The following CLSTN1 variants were observed in gnomAD, a reference collection of about 807,000 sequenced individuals.
The protein encoded by CLSTN1 is calsyntenin 1.
CLSTN1 carries 28 observed loss-of-function variants against 108.3 expected under a neutral mutation model. That is an observed-to-expected ratio of 0.26 (90% confidence interval 0.19 to 0.35). The LOEUF (loss-of-function observed/expected upper bound fraction) is 0.35, where lower values mean the gene tolerates loss of function less well. CLSTN1 is among the 10% of genes least tolerant of loss of function. The pLI, the probability that CLSTN1 is intolerant of heterozygous loss-of-function variation, is 1.00. For synonymous variants in CLSTN1, 524 were observed against 534.9 expected, an observed-to-expected ratio of 0.98 and a Z score of 0.28; for missense variants, 1,157 against 1,302.6, an observed-to-expected ratio of 0.89 and a Z score of 1.72.
At chr1:9,777,899 C>A (rs1653034447) in intron 1 of CLSTN1, among the ~76,000 whole-genome samples, 1 of 152,142 alleles carries the variant, frequency 6.6e-6, no homozygotes, top group African/African-American at 2.4e-5. Flanking sequence ...CAGTATCTCA[C>A]TCGGGCTCTG....
chr1:9,745,012 A>G (rs1651185098), intron 7 of CLSTN1, among the ~76,000 whole-genome samples: 1 of 152,134 alleles, frequency 6.6e-6, no homozygotes, highest in Admixed American at 6.5e-5. Flanking sequence ...TCGGCCTCCA[A>G]AAGTGCTGGG....
intron 1 of CLSTN1, among the ~76,000 whole-genome samples, chr1:9,785,795 C>CTT (rs77923873): frequency 1.4e-5 from 2 of 142,228 alleles, no homozygotes; most frequent in Non-Finnish European, 3.1e-5. Flanking sequence ...ATGTGAATTT[C>CTT]TTTTTTTTTT....
chr1:9,750,715 C>CAAA (rs775430059), intron 5 of CLSTN1, among the ~76,000 whole-genome samples: 1 of 77,164 alleles, frequency 1.3e-5, no homozygotes, highest in Non-Finnish European at 2.9e-5. Flanking sequence ...TTCCCTCAAA[C>CAAA]AAAAAAAAAA....
intron 11 of CLSTN1, 41 bp from the exon 12 acceptor site, chr1:9,736,083 C>T (rs1418273020): frequency 6.2e-7 from 1 of 1,612,242 alleles, no homozygotes; most frequent in South Asian, 1.1e-5. Context: ...GGCGTGCAAC[C>T]CAGCATCGCC....
chr1:9,771,770 T>C (rs545810755), intron 2 of CLSTN1, among the ~76,000 whole-genome samples: 2 of 152,276 alleles, frequency 1.3e-5, no homozygotes, highest in South Asian at 4.1e-4. Context: ...CTTGGGAGGC[T>C]CTATCTTTAC....
chr1:9,801,595 C>A (rs1056003647), intron 1 of CLSTN1, among the ~76,000 whole-genome samples: 1 of 152,166 alleles, frequency 6.6e-6, no homozygotes, highest in African/African-American at 2.4e-5. Context: ...GCTCTTGTTG[C>A]CCAGGCTGGA....
chr1:9,759,806 T>G (rs139334173), intron 2 of CLSTN1, among the ~76,000 whole-genome samples: 1 of 152,204 alleles, frequency 6.6e-6, no homozygotes, highest in African/African-American at 2.4e-5. Flanking sequence ...TAAAACTGCC[T>G]GGTATCAGAT....
chr1:9,772,261 C>A (rs1652727972), intron 2 of CLSTN1, among the ~76,000 whole-genome samples: 1 of 150,396 alleles, frequency 6.6e-6, no homozygotes, highest in Non-Finnish European at 1.5e-5. Flanking sequence ...CTGGCACAGG[C>A]ATGAGCCACT....
intron 1 of CLSTN1, among the ~76,000 whole-genome samples, chr1:9,783,299 C>T (rs1014021778): frequency 3.5e-4 from 53 of 152,278 alleles, no homozygotes; most frequent in African/African-American, 1.3e-3. Context: ...CGGTTTCCAG[C>T]CAGGCGCAGT....
intron 1 of CLSTN1, among the ~76,000 whole-genome samples, chr1:9,818,059 T>C (rs913562449): frequency 5.5e-5 from 8 of 146,038 alleles, no homozygotes; most frequent in Non-Finnish European, 1.0e-4. Context: ...CAGGCTGGAA[T>C]GCAAGTGGTG....
At chr1:9,754,270 T>C (rs1477065718) in intron 4 of CLSTN1, among the ~76,000 whole-genome samples, 2 of 152,058 alleles carry the variant, frequency 1.3e-5, no homozygotes, top group Non-Finnish European at 2.9e-5. Flanking sequence ...ATTCATTTAT[T>C]AAAAACCTAG....
intron 2 of CLSTN1, among the ~76,000 whole-genome samples, chr1:9,768,632 G>A (rs1431310746): frequency 2.2e-5 from 3 of 133,540 alleles, no homozygotes; most frequent in Admixed American, 1.5e-4. Flanking sequence ...TGACACCATG[G>A]GGGCAGGGTT....
chr1:9,735,824 G>A (rs1650656562), intron 12 of CLSTN1, 61 bp downstream of exon 12: 2 of 1,593,122 alleles, frequency 1.3e-6, no homozygotes, highest in Non-Finnish European at 1.7e-6. Context: ...CATCCCACCA[G>A]CCTCCGGGGC....
chr1:9,733,914 C>A, intron 15 of CLSTN1, 58 bp downstream of exon 15: 2 of 1,522,156 alleles, frequency 1.3e-6, no homozygotes, highest in South Asian at 1.2e-5. Flanking sequence ...CAGCCAAGAG[C>A]TCTCAAAGTC....
At chr1:9,740,986 G>T in intron 10 of CLSTN1, 108 bp downstream of exon 10, 1 of 1,227,214 alleles carries the variant, frequency 8.1e-7, no homozygotes, top group Non-Finnish European at 1.1e-6. Context: ...AAAAGATCCA[G>T]GACACGAGGG....
rs577307693 is a variant in CLSTN1 at position 9,787,449 on chromosome 1, C to G, written c.92-14055G>C. Among the ~76,000 whole-genome samples the G allele has an allele frequency of 1.2e-4, 17 of 145,744 alleles. 3 individuals are homozygous for G. The South Asian group carries it at 2.9e-3, about 25-fold the overall frequency. Reference sequence around the variant, plus strand: ...GACGGAGTCTCACTCTGTCGCCCAGCCTGGAGTGCAGTGGTGTGATCTCGG... The same window carrying G: ...GACGGAGTCTCACTCTGTCGCCCAGGCTGGAGTGCAGTGGTGTGATCTCGG... On this transcript the variant is annotated intron_variant, in intron 1 of 18. Transcript: ENST00000377298.
chr1:9,735,138 C>CG lies in CLSTN1; in HGVS notation c.1919dup (p.Val641GlyfsTer29). 1.2e-6 allele frequency: 2 copies of CG among 1,614,150 alleles called. No individual in the cohort carries two copies. The highest frequency in any genetic ancestry group is 1.7e-6 in the Non-Finnish European group (2 of 1,180,030). ...GTAAAACCATCACGTAGCCATCTAC[C>CG]GGGGGGACCGAAATGCAGGTGGCCT... On this transcript the variant is annotated frameshift_variant, in exon 14 of 19. Coordinates refer to ENST00000377298, the MANE Select transcript of CLSTN1 (RefSeq NM_001009566.3). LOFTEE classifies it high-confidence loss of function.
At chr1:9,777,091 G>A (rs1452430660) in intron 1 of CLSTN1, among the ~76,000 whole-genome samples, 4 of 151,412 alleles carry the variant, frequency 2.6e-5, no homozygotes, top group Non-Finnish European at 4.4e-5. Flanking sequence ...GTGGTGACAC[G>A]CACCTGTAGA....
intron 2 of CLSTN1, among the ~76,000 whole-genome samples, chr1:9,763,258 G>A (rs549497641): frequency 1.3e-5 from 2 of 152,182 alleles, no homozygotes; most frequent in East Asian, 3.9e-4. Flanking sequence ...CACTGCACCC[G>A]GCCTAGGATA....
Sources: allele counts gnomAD v4.1 joint callset (sites outside exome capture counted in the v4.1 genomes callset), GRCh38; gene constraint gnomAD v4.1.1; transcripts MANE v1.5; gene names NCBI Gene and HGNC (gene_info 2026-07-23, HGNC 2026-07-21).